DRICH1: variants seen among roughly 807,000 people sequenced by gnomAD.
DRICH1 encodes the protein aspartate-rich protein 1.
A neutral mutation model predicts 39.5 loss-of-function variants in DRICH1; 38 were observed. The observed-to-expected ratio is 0.96, with a 90% confidence interval of 0.74 to 1.26. DRICH1 has a LOEUF of 1.26. DRICH1 is among the 50% of genes most tolerant of loss of function. The pLI is 0.00. For synonymous variants in DRICH1, 84 were observed against 99.5 expected, an observed-to-expected ratio of 0.84 and a Z score of 0.93; for missense variants, 279 against 270.4, an observed-to-expected ratio of 1.03 and a Z score of -0.22.
intron 8 of DRICH1, 100 bp downstream of exon 8, chr22:23,616,753 A>T: frequency 1.4e-6 from 2 of 1,477,610 alleles, no homozygotes; most frequent in Non-Finnish European, 9.5e-7. Flanking sequence ...TGCTCTCACC[A>T]CACCCCCAAT....
Position 23,629,829 on chromosome 22 carries a change from G to C in DRICH1, c.208+1987C>G, listed in dbSNP as rs139297278. Among the ~76,000 whole-genome samples the C allele has an allele frequency of 5.7e-3, 860 of 152,202 alleles. 8 individuals carry two copies. The highest frequency in any genetic ancestry group is 0.02 in the African/African-American group (821 of 41,502). On this transcript the variant is annotated intron_variant, in intron 1 of 11. Coordinates refer to ENST00000317749, the MANE Select transcript of DRICH1 (RefSeq NM_016449.4). ...GACAGGTTTTTACCATGTTGGCCAG[G>C]CTGGTCTCAAGCTCCTGACCTCAGG...
chr22:23,610,611 A>C (rs1926978481), intron 11 of DRICH1: 1 of 152,190 alleles, frequency 6.6e-6, no homozygotes, highest in African/African-American at 2.4e-5. Flanking sequence ...GGTCTTTGGC[A>C]TTCCAGGCTC....
rs940850389 is a variant in DRICH1 at position 23,608,909 on chromosome 22, C to T, written c.686-141G>A. 3.0e-5 allele frequency: 27 copies of T among 908,026 alleles called. 1 individual carries two copies. The highest frequency in any genetic ancestry group is 7.2e-5 in the South Asian group (5 of 69,920). 56.2% of individuals were successfully genotyped at this position (908,026 alleles called of 1,614,324 possible). A position where few individuals can be genotyped will look rare whatever the true frequency, so the allele number is the denominator to read the frequency against. ...CCAGGCTGAGGAGAAATTACAGATG[C>T]GGAAACTCATCAGCCAGGGACAGAG... On this transcript the variant is annotated intron_variant, in intron 11 of 11. Coordinates refer to ENST00000317749, the MANE Select transcript of DRICH1 (RefSeq NM_016449.4).
chr22:23,609,634 T>C lies in DRICH1; in HGVS notation c.686-866A>G, dbSNP rs527339649. On this transcript the variant is annotated intron_variant, in intron 11 of 11. Transcript: ENST00000317749. ...GCTCTGACTTTCCCTGGCAGGACTGTAGAGGGCCCAGAACCCTGCCTTCTC... is the reference window on the plus strand; with the variant it reads ...GCTCTGACTTTCCCTGGCAGGACTGCAGAGGGCCCAGAACCCTGCCTTCTC... Among the ~76,000 whole-genome samples the C allele has an allele frequency of 6.0e-5, 9 of 150,182 alleles. No individual in the cohort carries two copies. The East Asian group carries it at 1.4e-3, about 23-fold the overall frequency.
At chr22:23,593,591 G>A in the DRICH1 span, among the ~76,000 whole-genome samples, 1 of 152,214 alleles carries the variant, frequency 6.6e-6, no homozygotes, top group African/African-American at 2.4e-5. Flanking sequence ...ACAAGGTCAA[G>A]AGATCGAGAC....
rs139259580 is a variant in DRICH1 at position 23,623,887 on chromosome 22, T to C, written c.298+996A>G. On this transcript the variant is annotated intron_variant, in intron 3 of 11. Transcript: ENST00000317749. ...CAATGAAGGTACCAAGAATACACAA[T>C]GAGGAAAGGAAAGTCTCTTCCACAA... 7.3e-5 allele frequency: 68 copies of C among 927,374 alleles called. No individual in the cohort carries two copies. In the African/African-American group the frequency reaches 7.6e-4, roughly 10 times the overall value. 57.4% of individuals were successfully genotyped at this position (927,374 alleles called of 1,614,324 possible).
the DRICH1 span, among the ~76,000 whole-genome samples, chr22:23,588,019 C>T: frequency 5.9e-5 from 9 of 152,322 alleles, no homozygotes; most frequent in African/African-American, 1.7e-4. Context: ...CCCACTTGCC[C>T]ATGCTATATT....
In DRICH1 at chr22:23,620,573, GAGTT is replaced by G; in HGVS notation, c.406+17_406+20del. ...CCAGCAAGTTTGTTTCTCAGAAAGTGAGTTAGTTCAAGGTACATACCCTGGACAC... is the reference window on the plus strand; with the variant it reads ...CCAGCAAGTTTGTTTCTCAGAAAGTGAGTTCAAGGTACATACCCTGGACAC... On this transcript the variant is annotated intron_variant, in intron 5 of 11. Coordinates refer to ENST00000317749, the MANE Select transcript of DRICH1 (RefSeq NM_016449.4). The G allele has an allele frequency of 6.2e-7, 1 of 1,612,062 alleles. No individual in the cohort carries two copies. The highest frequency in any genetic ancestry group is 8.5e-7 in the Non-Finnish European group (1 of 1,178,184).
chr22:23,601,533 A>G, the DRICH1 span, among the ~76,000 whole-genome samples: 1 of 152,192 alleles, frequency 6.6e-6, no homozygotes, highest in Admixed American at 6.5e-5. Flanking sequence ...GACCAAATTA[A>G]TAGTTGCCAG....
At chr22:23,607,235 G>C (rs993686274), downstream of DRICH1, 1 of 152,502 alleles carries the variant, frequency 6.6e-6, no homozygotes, top group African/African-American at 2.4e-5. Flanking sequence ...GACACCCAGT[G>C]GTCACTGAGT....
the DRICH1 span, among the ~76,000 whole-genome samples, chr22:23,591,995 A>AC: frequency 6.6e-6 from 1 of 151,706 alleles, no homozygotes; most frequent in Admixed American, 6.6e-5. Flanking sequence ...TGGGAATAGG[A>AC]CTCCCCCAAA....
chr22:23,590,223 T>C, the DRICH1 span, among the ~76,000 whole-genome samples: 3 of 152,144 alleles, frequency 2.0e-5, no homozygotes, highest in Non-Finnish European at 2.9e-5. Flanking sequence ...TAGTGATTGA[T>C]TTCTAGCATC....
chr22:23,591,265 T>C, the DRICH1 span, among the ~76,000 whole-genome samples: 53,839 of 151,948 alleles, frequency 0.35, 9,727 homozygotes, highest in Admixed American at 0.39. Flanking sequence ...CCTCCCCCAG[T>C]TCAGCTTGGG....
the DRICH1 span, among the ~76,000 whole-genome samples, chr22:23,591,487 C>T: frequency 2.6e-5 from 4 of 152,136 alleles, no homozygotes; most frequent in Non-Finnish European, 1.5e-5. Context: ...TGTCTGAGAA[C>T]GTGAAATGGC....
chr22:23,592,875 CACACAA>C, the DRICH1 span, among the ~76,000 whole-genome samples: 13 of 137,636 alleles, frequency 9.4e-5, 1 homozygote, highest in Admixed American at 5.0e-4. Context: ...CACACACACA[CACACAA>C]AATTAGCTGG....
chr22:23,590,811 G>T, the DRICH1 span, among the ~76,000 whole-genome samples: 2 of 151,724 alleles, frequency 1.3e-5, no homozygotes, highest in Admixed American at 6.6e-5. Context: ...TAGAGATGGG[G>T]GTTCACCATG....
intron 11 of DRICH1, among the ~76,000 whole-genome samples, chr22:23,609,741 T>C (rs34140548): frequency 0.32 from 47,944 of 152,034 alleles, 7,810 homozygotes; most frequent in Admixed American, 0.46. Context: ...AATCTCACTA[T>C]GTCCTTCATC....
At chr22:23,620,496 C>G in intron 5 of DRICH1, 98 bp downstream of exon 5, 2 of 1,355,698 alleles carry the variant, frequency 1.5e-6, no homozygotes. Flanking sequence ...GCTCTCACCA[C>G]ACCCCCAATA....
At chr22:23,604,214 G>GGGCCTGGCACCTGTCT (rs1219749186), downstream of DRICH1, among the ~76,000 whole-genome samples, 4 of 152,064 alleles carry the variant, frequency 2.6e-5, no homozygotes, top group Non-Finnish European at 5.9e-5. Flanking sequence ...CTCTGGGTCT[G>GGGCCTGGCACCTGTCT]GGCCTGGCAC....
Sources: allele counts gnomAD v4.1 joint callset (sites outside exome capture counted in the v4.1 genomes callset), GRCh38; gene constraint gnomAD v4.1.1; transcripts MANE v1.5; gene names NCBI Gene and HGNC (gene_info 2026-07-23, HGNC 2026-07-21).